Variants in HAPLN1 observed in about 807,000 individuals in gnomAD.
HAPLN1 encodes the protein Cartilage link protein.
Under a neutral mutation model 36.5 loss-of-function variants are expected in HAPLN1, and 13 were observed. That is an observed-to-expected ratio of 0.36 (90% CI 0.23 to 0.57). HAPLN1 has a LOEUF of 0.57. HAPLN1 is among the 20% of genes least tolerant of loss of function. HAPLN1 has a pLI of 0.83. For synonymous variants in HAPLN1, 202 were observed against 169.8 expected (o/e 1.19, Z -1.48); for missense variants, 407 against 439.7 (o/e 0.93, Z 0.66).
intron 1 of HAPLN1, among the ~76,000 whole-genome samples, chr5:83,703,760 T>C (rs1016070532): frequency 2.4e-4 from 37 of 151,934 alleles, no homozygotes; most frequent in African/African-American, 8.0e-4. Flanking sequence ...AGCCAACAAC[T>C]TGGAAAGCAG....
At chr5:83,716,412 G>T (rs557605411) in intron 1 of HAPLN1, among the ~76,000 whole-genome samples, 1 of 152,094 alleles carries the variant, frequency 6.6e-6, no homozygotes, top group African/African-American at 2.4e-5. Context: ...TTTGTAAATA[G>T]TCTCCTGGTC....
rs532580480 is a variant in HAPLN1 at position 83,638,241 on chromosome 5, T to C, written c.*3255A>G. ...ACTTTTAATGTACCAGTTCATTGTATCTTACAGAAAATCAAAACATTTTTT... is the reference window on the plus strand; with the variant it reads ...ACTTTTAATGTACCAGTTCATTGTACCTTACAGAAAATCAAAACATTTTTT... On this transcript the variant is annotated 3_prime_UTR_variant, in exon 5 of 5. Coordinates refer to ENST00000274341, the MANE Select transcript of HAPLN1 (RefSeq NM_001884.4). 1 of 151,580 alleles carries C rather than the reference T, an allele frequency of 6.6e-6. No individual in the cohort carries two copies. Among genetic ancestry groups the C allele is most frequent in the African/African-American group, 2.4e-5 (1 of 41,010 alleles). 9.4% of individuals were successfully genotyped at this position (151,580 alleles called of 1,614,324 possible).
intron 1 of HAPLN1, among the ~76,000 whole-genome samples, chr5:83,702,998 C>T (rs1025798810): frequency 2.0e-5 from 3 of 152,170 alleles, no homozygotes; most frequent in African/African-American, 7.2e-5. Context: ...AGGTGTGAAC[C>T]ACCATATCTG....
intron 1 of HAPLN1, among the ~76,000 whole-genome samples, chr5:83,681,027 C>T (rs1750986067): frequency 6.6e-6 from 1 of 152,100 alleles, no homozygotes; most frequent in Non-Finnish European, 1.5e-5. Context: ...TAGACATACT[C>T]ATATAGGAAA....
intron 1 of HAPLN1, among the ~76,000 whole-genome samples, chr5:83,681,524 T>G (rs773616926): frequency 4.6e-5 from 7 of 152,272 alleles, no homozygotes; most frequent in African/African-American, 1.7e-4. Flanking sequence ...TAATGAATTT[T>G]TTTTTTGAGA....
chr5:83,650,029 C>T (rs1437490048), intron 3 of HAPLN1, among the ~76,000 whole-genome samples: 2 of 152,204 alleles, frequency 1.3e-5, no homozygotes, highest in Non-Finnish European at 2.9e-5. Context: ...ACAGCTACCA[C>T]GAGCACAGGA....
In HAPLN1 at chr5:83,644,496, A is replaced by T. The variant is rs756115599; in HGVS notation, c.642T>A (p.Ser214=). 1 of 1,612,468 alleles carries T rather than the reference A, an allele frequency of 6.2e-7. No homozygotes were observed. Among genetic ancestry groups the T allele is most frequent in the East Asian group, 2.2e-5 (1 of 44,716 alleles). Residue 214 remains serine (S), a synonymous_variant, in exon 4 of 5, where the codon TCT becomes TCA. Coordinates refer to ENST00000274341, the MANE Select transcript of HAPLN1 (RefSeq NM_001884.4). The stretch of plus-strand genomic sequence containing the variant: ...TGGGCTTTGTGATGGGATATTGCAC[A>T]GAGCCATCACTGAGCCAGCCGGCAT... ...WCNAGWLSDG[S]VQYPITKPRE... is the part of the protein sequence containing the mutation.
At chr5:83,697,831 A>T (rs1165070901) in intron 1 of HAPLN1, among the ~76,000 whole-genome samples, 1 of 152,112 alleles carries the variant, frequency 6.6e-6, no homozygotes, top group Non-Finnish European at 1.5e-5. Flanking sequence ...CCATTTGTAC[A>T]TCTCTTTGGG....
At chr5:83,671,946 A>G (rs1396790966) in intron 2 of HAPLN1, among the ~76,000 whole-genome samples, 4 of 152,234 alleles carry the variant, frequency 2.6e-5, no homozygotes, top group Admixed American at 6.5e-5. Context: ...CTAAGTTTCA[A>G]CAGAGGAGAT....
At chr5:83,655,056 T>G (rs1358330910) in intron 2 of HAPLN1, among the ~76,000 whole-genome samples, 1 of 152,224 alleles carries the variant, frequency 6.6e-6, no homozygotes, top group Non-Finnish European at 1.5e-5. Flanking sequence ...GAGCATAATT[T>G]TGTCATATAT....
intron 1 of HAPLN1, among the ~76,000 whole-genome samples, chr5:83,687,141 A>G (rs780964936): frequency 2.0e-5 from 3 of 152,190 alleles, no homozygotes; most frequent in East Asian, 1.9e-4. Context: ...ATCCACAGGA[A>G]ATCAGGAAAA....
At chr5:83,653,723 C>T (rs991900140) in intron 2 of HAPLN1, among the ~76,000 whole-genome samples, 2 of 152,308 alleles carry the variant, frequency 1.3e-5, no homozygotes, top group Admixed American at 1.3e-4. Flanking sequence ...TATTGCCTTC[C>T]AAAGAGCACC....
intron 3 of HAPLN1, among the ~76,000 whole-genome samples, chr5:83,645,512 T>G (rs1382236953): frequency 8.0e-6 from 1 of 125,092 alleles, no homozygotes; most frequent in Non-Finnish European, 1.6e-5. Flanking sequence ...CTATCATTAG[T>G]GTTAGTATAT....
At chr5:83,720,183 A>T (rs1751989960) in intron 1 of HAPLN1, among the ~76,000 whole-genome samples, 1 of 152,224 alleles carries the variant, frequency 6.6e-6, no homozygotes, top group Admixed American at 6.5e-5. Flanking sequence ...TCTTCAGTGC[A>T]TTCAAATTAT....
chr5:83,694,136 A>G (rs941894559), intron 1 of HAPLN1, among the ~76,000 whole-genome samples: 1 of 152,026 alleles, frequency 6.6e-6, no homozygotes, highest in Non-Finnish European at 1.5e-5. Flanking sequence ...ATCAAAAACA[A>G]AAAGATATGT....
At chr5:83,686,297 A>T (rs1655663903) in intron 1 of HAPLN1, among the ~76,000 whole-genome samples, 1 of 152,194 alleles carries the variant, frequency 6.6e-6, no homozygotes, top group Non-Finnish European at 1.5e-5. Flanking sequence ...GGAGAAAATT[A>T]TGACAGGTAA....
intron 2 of HAPLN1, among the ~76,000 whole-genome samples, chr5:83,668,971 G>A (rs1466900367): frequency 6.6e-6 from 1 of 152,228 alleles, no homozygotes; most frequent in African/African-American, 2.4e-5. Flanking sequence ...TAAACTTCTG[G>A]CAATTCCTTA....
At position 83,656,544 on chromosome 5, in the gene HAPLN1, G is replaced by T. The variant is rs1189895401; in HGVS notation, c.101-3720C>A. ...AAAGGTGCACATAAACACTTGCATA[G>T]TGTTGAAGAGCTTAATTTTGTCCAT... On this transcript the variant is annotated intron_variant, in intron 2 of 4. Transcript: ENST00000274341. Among the ~76,000 whole-genome samples the T allele has an allele frequency of 3.3e-5, 5 of 151,960 alleles. No homozygotes were observed. In the East Asian group the frequency reaches 7.7e-4, roughly 23 times the overall value.
chr5:83,710,678 C>T (rs918972357), intron 1 of HAPLN1, among the ~76,000 whole-genome samples: 10 of 152,108 alleles, frequency 6.6e-5, no homozygotes, highest in African/African-American at 1.4e-4. Context: ...AGGCTGAGGG[C>T]GGTGCCTCAT....
Sources: allele counts gnomAD v4.1 joint callset (sites outside exome capture counted in the v4.1 genomes callset), GRCh38; gene constraint gnomAD v4.1.1; transcripts MANE v1.5; gene names NCBI Gene and HGNC (gene_info 2026-07-23, HGNC 2026-07-21).